NFATC2IP: variants seen among roughly 807,000 people sequenced by gnomAD.
NFATC2IP encodes the protein nuclear factor of activated T cells 2 interacting protein.
In NFATC2IP, 25 loss-of-function variants were observed where a neutral mutation model predicts 40.2. The ratio of observed to expected loss-of-function variants is 0.62; its 90% confidence interval spans 0.45 to 0.87. The LOEUF is 0.87. Among genes scored for constraint, NFATC2IP ranks in the 40% least tolerant of loss-of-function variants. The pLI is 0.00. For synonymous variants in NFATC2IP, 241 were observed against 236.3 expected, an observed-to-expected ratio of 1.02 and a Z score of -0.18; for missense variants, 553 against 555.6, an observed-to-expected ratio of 1.00 and a Z score of 0.05.
chr16:28,964,056 T>G lies in NFATC2IP; in HGVS notation c.*193T>G, dbSNP rs541423235. 4 of 588,216 alleles carry G rather than the reference T, an allele frequency of 6.8e-6. No individual in the cohort carries two copies. The East Asian group carries it at 8.6e-5, about 13-fold the overall frequency. 36.4% of individuals were successfully genotyped at this position (588,216 alleles called of 1,614,324 possible). A position where few individuals can be genotyped will look rare whatever the true frequency, so the allele number is the denominator to read the frequency against. On this transcript the variant is annotated 3_prime_UTR_variant, in exon 8 of 8. Transcript: ENST00000320805. ...AACCACTTGGTGAGTTATGTGGGTG[T>G]TGTTGCCCTGGGTGGCCTGTGGCTC... is the stretch of plus-strand genomic sequence containing the variant.
chr16:28,951,989 C>G (rs1964971698), intron 1 of NFATC2IP, 143 bp from the exon 2 acceptor site: 7 of 989,084 alleles, frequency 7.1e-6, no homozygotes, highest in Non-Finnish European at 1.1e-5. Context: ...AGCTGGACTT[C>G]TAGGTTGCCA....
chr16:28,960,601 G>A (rs1360681729), intron 7 of NFATC2IP, among the ~76,000 whole-genome samples: 1 of 152,162 alleles, frequency 6.6e-6, no homozygotes, highest in African/African-American at 2.4e-5. Context: ...CTAAAATACA[G>A]TGATGGGACA....
In NFATC2IP at chr16:28,963,863, A is replaced by T; in HGVS notation, c.1260A>T (p.Ter420CysextTer23). Residue 420 changes from the stop codon to cysteine, a stop_lost, in exon 8 of 8, where the codon TGA (stop) becomes TGT (cysteine). Transcript: ENST00000320805. ...ESGDLIEVWG[*>C] is the part of the protein sequence containing the mutation. The stretch of plus-strand genomic sequence containing the variant: ...GGGACCTCATTGAGGTCTGGGGCTG[A>T]CACCCCACTCCCTGTTTGACGGCCC... 6.2e-7 allele frequency: 1 copy of T among 1,613,930 alleles called. No homozygotes were observed. The highest frequency in any genetic ancestry group is 8.5e-7 in the Non-Finnish European group (1 of 1,179,832).
At chr16:28,953,380 G>A (rs141223390) in intron 2 of NFATC2IP, among the ~76,000 whole-genome samples, 6 of 152,284 alleles carry the variant, frequency 3.9e-5, no homozygotes, top group African/African-American at 1.4e-4. Context: ...GCCTGGGCAA[G>A]TTTCTTAATT....
At chr16:28,952,322 G>C (rs779282811) in intron 2 of NFATC2IP, 118 bp downstream of exon 2, 1 of 1,476,160 alleles carries the variant, frequency 6.8e-7, no homozygotes, top group South Asian at 1.3e-5. Flanking sequence ...GCGTGGGAGA[G>C]GGGACTCCTG....
Position 28,963,930 on chromosome 16 carries a change from T to A in NFATC2IP, c.*67T>A. On this transcript the variant is annotated 3_prime_UTR_variant, in exon 8 of 8. Coordinates refer to ENST00000320805, the MANE Select transcript of NFATC2IP (RefSeq NM_032815.4). ...GAATGACTTTCCCTTTTTTGCCCCA[T>A]AAGGGCTAGCATAAGCTGAGGTAGA... 1 of 1,469,880 alleles carries A rather than the reference T, an allele frequency of 6.8e-7. No individual in the cohort carries two copies. Among genetic ancestry groups the A allele is most frequent in the Non-Finnish European group, 9.5e-7 (1 of 1,057,708 alleles). The allele number at this position is 1,469,880 out of a possible 1,614,324, so 91.1% of individuals were successfully genotyped here.
chr16:28,961,639 G>A (rs186771340), intron 7 of NFATC2IP, among the ~76,000 whole-genome samples: 76 of 152,044 alleles, frequency 5.0e-4, no homozygotes, highest in African/African-American at 1.8e-3. Context: ...GGTGGCTCAC[G>A]CCTGTAATCC....
intron 5 of NFATC2IP, 42 bp from the exon 6 acceptor site, chr16:28,958,675 C>A: frequency 6.4e-7 from 1 of 1,570,802 alleles, no homozygotes; most frequent in Non-Finnish European, 8.7e-7. Flanking sequence ...GCATGGATTT[C>A]AAGGCAGGAA....
chr16:28,958,421 T>C, intron 5 of NFATC2IP: 1 of 286,960 alleles, frequency 3.5e-6, no homozygotes, highest in Admixed American at 4.9e-5. Context: ...ACAGTGCCAA[T>C]CAGCTGGAGC....
chr16:28,958,571 C>G (rs1274716178), intron 5 of NFATC2IP, 146 bp from the exon 6 acceptor site: 2 of 705,002 alleles, frequency 2.8e-6, no homozygotes. Context: ...CGATTTTATT[C>G]TATACCTTGC....
rs956508783 is a variant in NFATC2IP at position 28,954,598 on chromosome 16, A to G, written c.494A>G (p.His165Arg). 8 of 1,613,932 alleles carry G rather than the reference A, an allele frequency of 5.0e-6. 1 individual carries two copies. The East Asian group carries it at 8.9e-5, about 18-fold the overall frequency. The change falls in exon 3 of 8, where the codon CAT becomes CGT. Residue 165 changes from histidine (H) to arginine (R), a missense_variant. His to Arg is a conservative substitution (Grantham distance 29). Transcript: ENST00000320805. ...AELADSSGLYHEGSPSPGSPW... is the reference protein window; with the variant it reads ...AELADSSGLYREGSPSPGSPW... ...CTGGCAGATTCGAGTGGTCTCTACC[A>G]TGAGGGCTCCCCATCACCAGGCTCT...
chr16:28,955,917 T>C, intron 3 of NFATC2IP, 61 bp from the exon 4 acceptor site: 1 of 1,297,986 alleles, frequency 7.7e-7, no homozygotes, highest in Non-Finnish European at 1.1e-6. Context: ...ATCTGATTTC[T>C]AGGATTTGTG....
In NFATC2IP at chr16:28,959,098, C is replaced by A. The variant is rs747138825; in HGVS notation, c.1099C>A (p.Arg367=). ...KHQTLEVSLS[R]DSPLKTLMSH... ...CCAGACACTGGAAGTCTCACTGTCT[C>A]GAGTGAGTGGGAGAGATGGCTCTCC... The change falls in exon 7 of 8, where the codon CGA becomes AGA. Residue 367 remains arginine, a splice_region_variant and synonymous_variant. Coordinates refer to ENST00000320805, the MANE Select transcript of NFATC2IP (RefSeq NM_032815.4). 6.3e-7 allele frequency: 1 copy of A among 1,590,590 alleles called. No individual in the cohort carries two copies. Among genetic ancestry groups the A allele is most frequent in the South Asian group, 1.1e-5 (1 of 90,496 alleles).
At chr16:28,962,245 T>C (rs1965097037) in intron 7 of NFATC2IP, among the ~76,000 whole-genome samples, 1 of 152,110 alleles carries the variant, frequency 6.6e-6, no homozygotes, top group Non-Finnish European at 1.5e-5. Flanking sequence ...CTTACAGAAC[T>C]CAGGGAGACA....
chr16:28,960,596 A>G (rs1311472191), intron 7 of NFATC2IP, among the ~76,000 whole-genome samples: 1 of 152,190 alleles, frequency 6.6e-6, no homozygotes, highest in Non-Finnish European at 1.5e-5. Context: ...TGCTTCTAAA[A>G]TACAGTGATG....
chr16:28,958,634 C>A, intron 5 of NFATC2IP, 83 bp from the exon 6 acceptor site: 1 of 1,193,674 alleles, frequency 8.4e-7, no homozygotes, highest in Non-Finnish European at 1.2e-6. Context: ...TAGCTAAGGC[C>A]AGAGCTTGTG....
intron 7 of NFATC2IP, among the ~76,000 whole-genome samples, chr16:28,962,209 T>TCCTTGGG (rs1334843172): frequency 6.6e-6 from 1 of 152,156 alleles, no homozygotes; most frequent in Non-Finnish European, 1.5e-5. Context: ...CCTCGCCCCC[T>TCCTTGGG]CCTTGGGTTT....
intron 7 of NFATC2IP, 131 bp from the exon 8 acceptor site, chr16:28,963,574 C>T: frequency 2.7e-6 from 2 of 738,144 alleles, no homozygotes; most frequent in Non-Finnish European, 4.4e-6. Context: ...TCTCCTTTCC[C>T]CGCATGGGGC....
intron 1 of NFATC2IP, 53 bp from the exon 2 acceptor site, chr16:28,952,079 T>C: frequency 6.2e-7 from 1 of 1,609,058 alleles, no homozygotes; most frequent in Non-Finnish European, 8.5e-7. Context: ...AATTTTTTCT[T>C]TCGGTAGGGG....
Sources: allele counts gnomAD v4.1 joint callset (sites outside exome capture counted in the v4.1 genomes callset), GRCh38; gene constraint gnomAD v4.1.1; transcripts MANE v1.5; gene names NCBI Gene and HGNC (gene_info 2026-07-23, HGNC 2026-07-21).